Variants in CDON observed in about 807,000 individuals in gnomAD.
CDON encodes cell adhesion molecule-related/down-regulated by oncogenes.
A neutral mutation model predicts 120.9 loss-of-function variants in CDON; 73 were observed. That is an observed-to-expected ratio of 0.60 (90% CI 0.50 to 0.73). The LOEUF is 0.73. Ranked by LOEUF, CDON falls within the 30% of genes least tolerant of loss-of-function variation. The pLI is 0.00. For synonymous variants in CDON, 566 were observed against 573.5 expected (o/e 0.99, Z 0.19); for missense variants, 1,470 against 1,587.3 (o/e 0.93, Z 1.26).
At chr11:126,015,690 G>A (rs1947446104) in intron 6 of CDON, among the ~76,000 whole-genome samples, 180 bp from the exon 7 acceptor site, 2 of 152,098 alleles carry the variant, frequency 1.3e-5, no homozygotes, top group South Asian at 4.2e-4. Flanking sequence ...CCACTAATAG[G>A]ATAAACCATA....
chr11:126,037,031 G>A (rs920347808), intron 1 of CDON, among the ~76,000 whole-genome samples: 3 of 151,926 alleles, frequency 2.0e-5, no homozygotes, highest in African/African-American at 7.3e-5. Flanking sequence ...ACTAATTTGA[G>A]TCTGAGGATT....
chr11:125,980,566 C>A (rs1591560011), intron 17 of CDON, among the ~76,000 whole-genome samples: 1 of 152,144 alleles, frequency 6.6e-6, no homozygotes, highest in African/African-American at 2.4e-5. Flanking sequence ...GGCAACACTG[C>A]GCCCTCAGTC....
intron 1 of CDON, among the ~76,000 whole-genome samples, chr11:126,056,126 T>A (rs868185790): frequency 1.3e-5 from 2 of 152,174 alleles, no homozygotes; most frequent in African/African-American, 2.4e-5. Flanking sequence ...AAGAGATTCT[T>A]CCCACAGCAG....
chr11:125,994,877 C>T lies in CDON; in HGVS notation c.2538G>A (p.Lys846=). Residue 846 remains lysine, a synonymous_variant, in exon 13 of 20, where the codon AAG becomes AAA. Transcript: ENST00000531738. The part of the protein sequence containing the change: ...EAVSDTQIML[K]WTYIPSSNNN... ...CCAGAAGATGTGTACTGACCGTCCA[C>T]TTTAGCATGATCTGAGTATCGCTGA... is the stretch of plus-strand genomic sequence containing the variant. 1 of 1,613,702 alleles carries T rather than the reference C, an allele frequency of 6.2e-7. No individual in the cohort carries two copies. The highest frequency in any genetic ancestry group is 8.5e-7 in the Non-Finnish European group (1 of 1,179,634).
In CDON at chr11:125,978,324, T is replaced by A; in HGVS notation, c.3336A>T (p.Arg1112=). 1 of 1,606,636 alleles carries A rather than the reference T, an allele frequency of 6.2e-7. No homozygotes were observed. Among genetic ancestry groups the A allele is most frequent in the Non-Finnish European group, 8.5e-7 (1 of 1,174,750 alleles). The part of the protein sequence containing the change: ...QIDPLECVNC[R]NCRNNNRCFT... ...CATACCTATTGTTGTTTCGACAATT[T>A]CGGCAGTTAACACACTCCAGAGGGT... The change falls in exon 18 of 20, where the codon CGA becomes CGT. Residue 1112 remains arginine (R), a synonymous_variant. Transcript: ENST00000531738.
Position 126,034,932 on chromosome 11 carries a change from T to C in CDON, c.-61-11395A>G, listed in dbSNP as rs476707. ...CTAAGAACTAGCTATTGCAAAGATG[T>C]AGACACACATTTGACTAACTTCTGC... On this transcript the variant is annotated intron_variant, in intron 1 of 19. Coordinates refer to ENST00000531738, the MANE Select transcript of CDON (RefSeq NM_001378964.1). The surrounding 1 kb of genome is among the most constrained non-coding windows in gnomAD (Gnocchi z 4.5). Among the ~76,000 whole-genome samples, 106,018 of 152,154 alleles carry C rather than the reference T, an allele frequency of 0.7. 38,694 individuals carry two copies. Among genetic ancestry groups the C allele is most frequent in the African/African-American group, 0.92 (38,083 of 41,544 alleles).
rs1233995275 is a variant in CDON, at chr11:125,960,981, G to A, written c.3756C>T (p.Asp1252=). ...TMWSPPGIPL[D]SPTEVLQQPR... is the part of the protein sequence containing the mutation. The stretch of plus-strand genomic sequence containing the variant: ...GCTGCTGAAGGACCTCTGTCGGGCT[G>A]TCTAAAGGAATGCCAGGTGGAGACC... Residue 1252 remains aspartate (D), a synonymous_variant, in exon 20 of 20, where the codon GAC becomes GAT. Coordinates refer to ENST00000531738, the MANE Select transcript of CDON (RefSeq NM_001378964.1). 6 of 1,614,108 alleles carry A rather than the reference G, an allele frequency of 3.7e-6. No individual in the cohort carries two copies. The highest frequency in any genetic ancestry group is 5.1e-6 in the Non-Finnish European group (6 of 1,180,048).
rs769903081 is a variant in CDON at position 126,010,673 on chromosome 11, A to T, written c.1220T>A (p.Ile407Lys). ...IENDGGFKPV[I>K]ITAPVSAKVA... ...CTTTGCACTTACTGGTGCCGTAATT[A>T]TAACTGGCTTGAATCCACCGTCTAT... Residue 407 changes from isoleucine to lysine, a missense_variant, in exon 8 of 20, where the codon ATA becomes AAA. Physicochemically the swap from Ile to Lys is moderately radical, Grantham distance 102. Coordinates refer to ENST00000531738, the MANE Select transcript of CDON (RefSeq NM_001378964.1). The T allele has an allele frequency of 1.2e-6, 2 of 1,614,120 alleles. No individual in the cohort carries two copies. Among genetic ancestry groups the T allele is most frequent in the Non-Finnish European group, 1.7e-6 (2 of 1,179,954 alleles).
chr11:126,017,215 G>A lies in CDON; in HGVS notation c.801C>T (p.Asn267=), dbSNP rs531962494. 1.2e-6 allele frequency: 2 copies of A among 1,614,150 alleles called. No individual in the cohort carries two copies. The highest frequency in any genetic ancestry group is 2.7e-5 in the African/African-American group (2 of 75,014). Residue 267 remains asparagine, a synonymous_variant, in exon 6 of 20, where the codon AAC becomes AAT. Coordinates refer to ENST00000531738, the MANE Select transcript of CDON (RefSeq NM_001378964.1). ...KDGQDIAPGS[N]WRRLYSHLAT... ...CAAGATGAGAATACAACCTTCTCCA[G>A]TTGCTTCCTGGTGCAATGTCCTGCC... is the stretch of plus-strand genomic sequence containing the variant.
chr11:126,015,573 G>A lies in CDON; in HGVS notation c.929-63C>T, dbSNP rs752500344. The A allele has an allele frequency of 1.8e-5, 28 of 1,535,362 alleles. 1 individual carries two copies. Among genetic ancestry groups the A allele is most frequent in the South Asian group, 1.7e-4 (15 of 86,738 alleles). The stretch of plus-strand genomic sequence containing the variant: ...AAATGTACTTCTTAAATTATCACTC[G>A]AGTGATAAAAATCTTCTCTCTACCA... On this transcript the variant is annotated intron_variant, in intron 6 of 19. Coordinates refer to ENST00000531738, the MANE Select transcript of CDON (RefSeq NM_001378964.1).
At chr11:126,008,183 T>C (rs1452205121) in intron 8 of CDON, among the ~76,000 whole-genome samples, 3 of 152,014 alleles carry the variant, frequency 2.0e-5, no homozygotes, top group Non-Finnish European at 4.4e-5. Flanking sequence ...ATCCAGGACC[T>C]CAAAAACCCA....
intron 18 of CDON, among the ~76,000 whole-genome samples, chr11:125,970,477 G>A (rs2134382678): frequency 6.6e-6 from 1 of 152,024 alleles, no homozygotes; most frequent in Admixed American, 6.6e-5. Flanking sequence ...CCGGCCAGTA[G>A]TTTATGTTAA....
At chr11:126,056,240 T>C (rs1312906304) in intron 1 of CDON, among the ~76,000 whole-genome samples, 1 of 152,220 alleles carries the variant, frequency 6.6e-6, no homozygotes, top group Non-Finnish European at 1.5e-5. Context: ...ATAGTTCTTC[T>C]TTCTTCTGAA....
At chr11:126,003,315 A>G (rs1947010416) in intron 10 of CDON, among the ~76,000 whole-genome samples, 1 of 152,218 alleles carries the variant, frequency 6.6e-6, no homozygotes, top group Non-Finnish European at 1.5e-5. Context: ...TTATCAAAGT[A>G]TAAGCTCTGT....
chr11:125,976,755 G>A (rs80162666), intron 18 of CDON, among the ~76,000 whole-genome samples: 3,813 of 152,240 alleles, frequency 0.025, 158 homozygotes, highest in African/African-American at 0.084. Flanking sequence ...AAAAAGACAT[G>A]ATTGGCAGGA....
Position 125,958,565 on chromosome 11 carries a change from A to ATATATGTGTGTGTGTGTGTGTGTG in CDON, c.*2376_*2377insCACACACACACACACACACATATA, listed in dbSNP as rs371911236. On this transcript the variant is annotated 3_prime_UTR_variant, in exon 20 of 20. Coordinates refer to ENST00000531738, the MANE Select transcript of CDON (RefSeq NM_001378964.1). ...AAGGCAATTATATATATATATATAT[A>ATATATGTGTGTGTGTGTGTGTGTG]TGTGTGTGTGTGTGTGTGTGTGTGT... 8 of 130,084 alleles carry ATATATGTGTGTGTGTGTGTGTGTG rather than the reference A, an allele frequency of 6.1e-5. No homozygotes were observed. Among genetic ancestry groups the ATATATGTGTGTGTGTGTGTGTGTG allele is most frequent in the African/African-American group, 2.0e-4 (7 of 34,844 alleles). The allele number at this position is 130,084 out of a possible 1,614,324, so 8.1% of individuals were successfully genotyped here.
In CDON at chr11:125,978,490, T is replaced by C. The variant is rs759079188; in HGVS notation, c.3277-107A>G. On this transcript the variant is annotated intron_variant, in intron 17 of 19. Transcript: ENST00000531738. ...AAATACACATGAGCCATGTCAACCA[T>C]AAATGGGCACACAGTATATTCTAAC... 1,080 of 740,516 alleles carry C rather than the reference T, an allele frequency of 1.5e-3. 16 individuals are homozygous for C. Among genetic ancestry groups the C allele is most frequent in the Non-Finnish European group, 2.7e-4 (112 of 415,090 alleles). The allele number at this position is 740,516 out of a possible 1,614,324, so 45.9% of individuals were successfully genotyped here.
In CDON at chr11:125,961,045, A is replaced by G; in HGVS notation, c.3692T>C (p.Leu1231Ser). 6.2e-7 allele frequency: 1 copy of G among 1,614,040 alleles called. No homozygotes were observed. Among genetic ancestry groups the G allele is most frequent in the Non-Finnish European group, 8.5e-7 (1 of 1,179,924 alleles). ...INIVSWNALI[L>S]PPVPEGCAEK... is the part of the protein sequence containing the mutation. ...AGCACAGCCCTCGGGGACAGGTGGC[A>G]AAATAAGAGCATTCCAACTTACAAT... The change falls in exon 20 of 20, where the codon TTG becomes TCG. Residue 1231 changes from leucine to serine, a missense_variant. By Grantham distance (145) the Leu-to-Ser change is moderately radical. Transcript: ENST00000531738.
Position 125,997,314 on chromosome 11 carries a change from G to C in CDON, c.2255C>G (p.Thr752Ser). The C allele has an allele frequency of 6.2e-7, 1 of 1,614,010 alleles. No individual in the cohort carries two copies. The highest frequency in any genetic ancestry group is 8.5e-7 in the Non-Finnish European group (1 of 1,179,886). ...IPRANGGSPI[T>S]AFKVEYKRMR... ...CCGTTTATATTCGACTTTGAAGGCA[G>C]TGATTGGAGAACCCCCGTTTGCCCG... Residue 752 changes from threonine (T) to serine (S), a missense_variant, in exon 12 of 20, where the codon ACT becomes AGT. Transcript: ENST00000531738.
Sources: gnomAD v4.1 joint callset for allele counts (sites outside exome capture counted in the v4.1 genomes callset) on GRCh38, gnomAD v4.1.1 for gene constraint, Gnocchi (gnomAD v3.1) non-coding constraint, MANE v1.5 for transcripts, NCBI Gene and HGNC (gene_info 2026-07-23, HGNC 2026-07-21) for gene names.